The following TSC2 variants were observed in gnomAD, a reference collection of about 807,000 sequenced individuals.
TSC2 encodes TSC complex subunit 2, also known as tuberin.
TSC2 carries 29 observed loss-of-function variants against 202.2 expected under a neutral mutation model. The observed-to-expected ratio is 0.14, with a 90% CI of 0.11 to 0.20. The LOEUF is 0.20. TSC2 is among the 10% of genes least tolerant of loss of function. The pLI, the probability that TSC2 is intolerant of heterozygous loss-of-function variation, is 1.00. For missense variants in TSC2, 2,429 were observed against 2,420.0 expected, an observed-to-expected ratio of 1.00 and a Z score of -0.08; for synonymous variants, 1,349 against 1,044.0, an observed-to-expected ratio of 1.29 and a Z score of -5.63.
intron 14 of TSC2, 61 bp from the exon 15 acceptor site, chr16:2,064,211 G>A: frequency 6.2e-7 from 1 of 1,612,748 alleles, no homozygotes; most frequent in Non-Finnish European, 8.5e-7. Context: ...GGAATTGGAA[G>A]TGTCACGAGA....
chr16:2,088,809 G>C lies in TSC2; in HGVS notation c.*199G>C. On this transcript the variant is annotated 3_prime_UTR_variant, in exon 42 of 42. Coordinates refer to ENST00000219476, the MANE Select transcript of TSC2 (RefSeq NM_000548.5). ...GCCATGCCCACAGAAGTGGTACACA[G>C]AAGCAGGCACAGCCAGCTCCGAGGG... 1 of 728,014 alleles carries C rather than the reference G, an allele frequency of 1.4e-6. No individual in the cohort carries two copies. The highest frequency in any genetic ancestry group is 1.9e-5 in the South Asian group (1 of 53,454). 45.1% of individuals were successfully genotyped at this position (728,014 alleles called of 1,614,324 possible). A position where few individuals can be genotyped will look rare whatever the true frequency, so the allele number is the denominator to read the frequency against.
chr16:2,063,118 T>C (rs115599333), intron 14 of TSC2, 65 bp downstream of exon 14: 1 of 1,528,714 alleles, frequency 6.5e-7, no homozygotes, highest in Non-Finnish European at 8.9e-7. Context: ...GCTGTCTCTG[T>C]TGTGCACGTG....
chr16:2,054,161 C>G, intron 4 of TSC2, 135 bp from the exon 5 acceptor site: 1 of 1,402,024 alleles, frequency 7.1e-7, no homozygotes, highest in Non-Finnish European at 1.0e-6. Flanking sequence ...GCAGACCTGT[C>G]TCTTGCAGGG....
intron 10 of TSC2, among the ~76,000 whole-genome samples, chr16:2,059,514 T>C (rs1397930725): frequency 7.0e-6 from 1 of 143,636 alleles, no homozygotes; most frequent in Non-Finnish European, 1.5e-5. Context: ...TAATGGTTTT[T>C]TTTTTTTTTT....
rs796053512 is a variant in TSC2, at chr16:2,076,129, C to T, written c.2701C>T (p.Arg901Cys). ...CATAGCCATGTGGTTCATCAGGTGC[C>T]GCCTGCCCTTCCGGAAGGATTTTGT... Reference protein sequence around the residue: ...HVIAMWFIRCRLPFRKDFVPF... With the variant: ...HVIAMWFIRCCLPFRKDFVPF... The change falls in exon 24 of 42, where the codon CGC (arginine) becomes TGC (cysteine). Residue 901 changes from arginine to cysteine, a missense_variant. Physicochemically the swap from Arg to Cys is radical, Grantham distance 180. Transcript: ENST00000219476. 51 of 1,613,760 alleles carry T rather than the reference C, an allele frequency of 3.2e-5. No individual in the cohort carries two copies. Among genetic ancestry groups the T allele is most frequent in the Non-Finnish European group, 4.2e-5 (50 of 1,180,056 alleles).
rs886051791 is a variant in TSC2 at position 2,076,582 on chromosome 16, A to G, written c.2834A>G (p.Lys945Arg). The part of the protein sequence containing the change: ...ARSTSLNERP[K>R]SLRIARPPKQ... ...AGTACTAGTCTCAACGAGAGACCCA[A>G]GAGGTACGGCCTGCGGGGGTGTGCC... The change falls in exon 25 of 42, where the codon AAG becomes AGG. Residue 945 changes from lysine to arginine, a missense_variant. Coordinates refer to ENST00000219476, the MANE Select transcript of TSC2 (RefSeq NM_000548.5). The G allele has an allele frequency of 1.9e-6, 3 of 1,612,990 alleles. No homozygotes were observed. The highest frequency in any genetic ancestry group is 2.5e-6 in the Non-Finnish European group (3 of 1,179,924).
intron 16 of TSC2, among the ~76,000 whole-genome samples, chr16:2,068,072 C>G (rs1036467480): frequency 2.6e-5 from 4 of 152,176 alleles, no homozygotes; most frequent in African/African-American, 9.7e-5. Context: ...AGTCTCACCA[C>G]TATGTCACCC....
In TSC2 at chr16:2,071,536, G is replaced by A. The variant is rs1397060903; in HGVS notation, c.1866G>A (p.Arg622=). The change falls in exon 18 of 42, where the codon CGG becomes CGA. Residue 622 remains arginine (R), a synonymous_variant. Transcript: ENST00000219476. ...LQAFDFLLLL[R]ADSLHRLGLP... ...CCTTTGACTTCCTGTTGCTGCTGCG[G>A]GCCGACTCACTGCACCGCCTGGGCC... The A allele has an allele frequency of 6.2e-7, 1 of 1,613,634 alleles. No individual in the cohort carries two copies. The highest frequency in any genetic ancestry group is 1.7e-5 in the Admixed American group (1 of 60,020).
rs571792874 is a variant in TSC2, at chr16:2,072,243, G to A, written c.2100G>A (p.Glu700=). 2 of 1,614,072 alleles carry A rather than the reference G, an allele frequency of 1.2e-6. No individual in the cohort carries two copies. The highest frequency in any genetic ancestry group is 1.6e-4 in the Middle Eastern group (1 of 6,062). ...CCTGACGCCTCCTCTCCTCGCAGGA[G>A]TCTGACTGGAAGGTGCTGAAGCTGG... is the stretch of plus-strand genomic sequence containing the variant. ...FRVLLQCLKQ[E]SDWKVLKLVL... is the part of the protein sequence containing the mutation. Residue 700 remains glutamate (E), a splice_region_variant and synonymous_variant, in exon 20 of 42, where the codon GAG becomes GAA. Coordinates refer to ENST00000219476, the MANE Select transcript of TSC2 (RefSeq NM_000548.5).
chr16:2,076,003 C>T lies in TSC2; in HGVS notation c.2640-65C>T, dbSNP rs138967036. ...AAGGCCTGAGCGCCTCGGTTTTTTG[C>T]ACTTCATGCCCTGGGGATGTTTCCC... On this transcript the variant is annotated intron_variant, in intron 23 of 41. Transcript: ENST00000219476. The T allele has an allele frequency of 7.7e-4, 1,246 of 1,612,790 alleles. 11 individuals carry two copies. The African/African-American group carries it at 0.015, about 19-fold the overall frequency.
chr16:2,069,543 G>T (rs995416715), intron 16 of TSC2, among the ~76,000 whole-genome samples: 1 of 149,970 alleles, frequency 6.7e-6, no homozygotes, highest in South Asian at 2.1e-4. Flanking sequence ...GCAGTGGCAC[G>T]ATCTCGGCTC....
At chr16:2,062,934 G>C (rs940548415) in intron 13 of TSC2, 38 bp from the exon 14 acceptor site, 1 of 1,543,242 alleles carries the variant, frequency 6.5e-7, no homozygotes, top group Non-Finnish European at 8.7e-7. Context: ...CTGTGGCCGG[G>C]CACTCCCCAC....
intron 14 of TSC2, chr16:2,063,756 G>GTCCTCCTCTTCGAGT: frequency 8.5e-6 from 2 of 235,638 alleles, no homozygotes; most frequent in Admixed American, 5.2e-5. Context: ...TGGGTCCTCT[G>GTCCTCCTCTTCGAGT]GCTTCTCCCA....
At chr16:2,059,910 C>T (rs1201677055) in intron 10 of TSC2, among the ~76,000 whole-genome samples, 2 of 152,216 alleles carry the variant, frequency 1.3e-5, no homozygotes, top group Non-Finnish European at 2.9e-5. Flanking sequence ...ATCCACCCGC[C>T]TTGGTCTCCC....
In TSC2 at chr16:2,080,673, A is replaced by C. The variant is rs376795991; in HGVS notation, c.3610+296A>C. 4.0e-5 allele frequency: 16 copies of C among 400,924 alleles called. 1 individual carries two copies. The Admixed American group carries it at 4.8e-4, about 12-fold the overall frequency. The allele number at this position is 400,924 out of a possible 1,614,324, so 24.8% of individuals were successfully genotyped here. On this transcript the variant is annotated intron_variant, in intron 30 of 41. Transcript: ENST00000219476. ...CAATTTTTTTGTATTTCTAGTAGAG[A>C]TGGGGTTTCACTGTGTTAGCCAGGA...
In TSC2 at chr16:2,083,700, G is replaced by A. The variant is rs45517319; in HGVS notation, c.3889G>A (p.Ala1297Thr). 3.2e-3 allele frequency: 5,077 copies of A among 1,583,898 alleles called. 15 individuals are homozygous for A. Among genetic ancestry groups the A allele is most frequent in the Non-Finnish European group, 3.7e-3 (4,296 of 1,165,838 alleles). The change falls in exon 33 of 42, where the codon GCC becomes ACC. Residue 1297 changes from alanine to threonine, a missense_variant. Ala to Thr is a moderately conservative substitution (Grantham distance 58). Transcript: ENST00000219476. ...LHRSVSWADS[A>T]VVMEEGSPGE... ...CCCCGTCTGTGTCCTCCCAGACTCC[G>A]CCGTGGTCATGGAGGAGGGAAGTCC...
At chr16:2,062,108 C>T (rs1249087115) in intron 12 of TSC2, 100 bp downstream of exon 12, 2 of 1,540,832 alleles carry the variant, frequency 1.3e-6, no homozygotes, top group Non-Finnish European at 8.8e-7. Context: ...AGCCAAGGGC[C>T]AGGTGGGCGC....
rs1283177454 is a variant in TSC2, at chr16:2,086,832, C to T, written c.4950C>T (p.Tyr1650=). The T allele has an allele frequency of 3.7e-6, 6 of 1,607,196 alleles. No homozygotes were observed. The highest frequency in any genetic ancestry group is 5.1e-6 in the Non-Finnish European group (6 of 1,177,734). ...GCAACGACTTTGTGTCCATTGTCTA[C>T]AATGACTCCGGTGAGGACTTCAAGC... ...HLGNDFVSIV[Y]NDSGEDFKLG... is the part of the protein sequence containing the mutation. Residue 1650 remains tyrosine, a synonymous_variant, in exon 38 of 42, where the codon TAC becomes TAT. Transcript: ENST00000219476.
rs45517148 is a variant in TSC2, at chr16:2,060,790, G to C, written c.1096G>C (p.Glu366Gln). ...VAWDILLNIIERLLQQLQTLD... is the reference protein window; with the variant it reads ...VAWDILLNIIQRLLQQLQTLD... ...GTGGGACATTCTGCTGAACATCATC[G>C]AACGGCTCCTTCAGCAGCTCCAGGT... is the stretch of plus-strand genomic sequence containing the variant. Residue 366 changes from glutamate (E) to glutamine (Q), a missense_variant, in exon 11 of 42, where the codon GAA (glutamate) becomes CAA (glutamine). By Grantham distance (29) the Glu-to-Gln change is conservative. Transcript: ENST00000219476. The C allele has an allele frequency of 1.2e-6, 2 of 1,613,602 alleles. No individual in the cohort carries two copies. Among genetic ancestry groups the C allele is most frequent in the African/African-American group, 2.7e-5 (2 of 74,882 alleles).
Sources: gnomAD v4.1 joint callset for allele counts (sites outside exome capture counted in the v4.1 genomes callset) on GRCh38, gnomAD v4.1.1 for gene constraint, MANE v1.5 for transcripts, NCBI Gene and HGNC (gene_info 2026-07-23, HGNC 2026-07-21) for gene names.